Variants in RER1 observed in about 807,000 individuals in gnomAD.
The protein encoded by RER1 is retention in endoplasmic reticulum sorting receptor 1.
A neutral mutation model predicts 28.3 loss-of-function variants in RER1; 6 were observed. The observed-to-expected ratio is 0.21, with a 90% CI of 0.12 to 0.42. RER1 has a LOEUF of 0.42. Among genes scored for constraint, RER1 ranks in the 10% least tolerant of loss-of-function variants. The pLI, the probability that RER1 is intolerant of heterozygous loss-of-function variation, is 1.00. For synonymous variants in RER1, 110 were observed against 95.9 expected (o/e 1.15, Z -0.86); for missense variants, 159 against 252.9 (o/e 0.63, Z 2.52).
In RER1 at chr1:2,403,368, C is replaced by T. The variant is rs148530549; in HGVS notation, c.*244C>T. 24 of 438,682 alleles carry T rather than the reference C, an allele frequency of 5.5e-5. No individual in the cohort carries two copies. Among genetic ancestry groups the T allele is most frequent in the African/African-American group, 4.7e-4 (23 of 49,380 alleles). The allele number at this position is 438,682 out of a possible 1,614,324, so 27.2% of individuals were successfully genotyped here. On this transcript the variant is annotated 3_prime_UTR_variant, in exon 7 of 7. Coordinates refer to ENST00000605895, the MANE Select transcript of RER1 (RefSeq NM_007033.5). ...TCACGGATGGAATTCTAGTCAGCTG[C>T]AGGCGGGAAGCCAGGCGGGTGGAGC...
intron 5 of RER1, among the ~76,000 whole-genome samples, chr1:2,401,401 C>G (rs1642859537): frequency 9.5e-6 from 1 of 105,596 alleles, no homozygotes; most frequent in Admixed American, 9.8e-5. Flanking sequence ...CTCCTCCCTC[C>G]TCCTCCCTCC....
At position 2,403,483 on chromosome 1, in the gene RER1, G is replaced by T. The variant is rs897093203; in HGVS notation, c.*359G>T. The T allele has an allele frequency of 6.8e-6, 2 of 293,782 alleles. No individual in the cohort carries two copies. The highest frequency in any genetic ancestry group is 6.0e-5 in the South Asian group (2 of 33,594). 18.2% of individuals were successfully genotyped at this position (293,782 alleles called of 1,614,324 possible). A position where few individuals can be genotyped will look rare whatever the true frequency, so the allele number is the denominator to read the frequency against. On this transcript the variant is annotated 3_prime_UTR_variant, in exon 7 of 7. Coordinates refer to ENST00000605895, the MANE Select transcript of RER1 (RefSeq NM_007033.5). ...GCGAGGGAGGAACGGGCCGCTCCCC[G>T]CCAGCCGCCTTCCCCAGCAGCCGCA...
intron 3 of RER1, among the ~76,000 whole-genome samples, chr1:2,398,772 C>G (rs893566993): frequency 6.6e-6 from 1 of 152,242 alleles, no homozygotes; most frequent in African/African-American, 2.4e-5. Flanking sequence ...GAATTAGTTG[C>G]AAATAAGTGT....
chr1:2,401,408 CTCCTTCCTCCT>C (rs1557904089), intron 5 of RER1, among the ~76,000 whole-genome samples: 2 of 117,112 alleles, frequency 1.7e-5, no homozygotes, highest in East Asian at 2.5e-4. Context: ...CTCCTCCTCC[CTCCTTCCTCCT>C]TCCTCTCTCC....
rs961238581 is a variant in RER1, at chr1:2,402,016, G to A, written c.366-191G>A. Reference sequence around the variant, plus strand: ...GGAGTAAGAGAAGGATGTTTCTGTGGTTAGGGCAGTACATGTCTGTGAGCT... The same window carrying A: ...GGAGTAAGAGAAGGATGTTTCTGTGATTAGGGCAGTACATGTCTGTGAGCT... On this transcript the variant is annotated intron_variant, in intron 5 of 6. Transcript: ENST00000605895. 18 of 1,523,838 alleles carry A rather than the reference G, an allele frequency of 1.2e-5. No individual in the cohort carries two copies. In the African/African-American group the frequency reaches 2.1e-4, roughly 18 times the overall value. The allele number at this position is 1,523,838 out of a possible 1,614,324, so 94.4% of individuals were successfully genotyped here.
At chr1:2,393,504 G>A (rs1340991098) in intron 1 of RER1, among the ~76,000 whole-genome samples, 1 of 152,214 alleles carries the variant, frequency 6.6e-6, no homozygotes, top group African/African-American at 2.4e-5. Context: ...CAGCTGGTGT[G>A]AGGGCTGGCC....
Position 2,403,774 on chromosome 1 carries a change from A to C in RER1, c.*650A>C, listed in dbSNP as rs989657569. 6.6e-6 allele frequency: 1 copy of C among 152,536 alleles called. No individual in the cohort carries two copies. The highest frequency in any genetic ancestry group is 1.5e-5 in the Non-Finnish European group (1 of 68,032). 9.4% of individuals were successfully genotyped at this position (152,536 alleles called of 1,614,324 possible). A position where few individuals can be genotyped will look rare whatever the true frequency, so the allele number is the denominator to read the frequency against. ...TAATTGTTTGAGATTATTTTGACAC[A>C]TTTCTTTGATACGTAGAGTGTTTTG... On this transcript the variant is annotated 3_prime_UTR_variant, in exon 7 of 7. Transcript: ENST00000605895.
chr1:2,401,931 C>A, intron 5 of RER1: 1 of 1,323,322 alleles, frequency 7.6e-7, no homozygotes, highest in Non-Finnish European at 1.0e-6. Flanking sequence ...ATGGGGCCCC[C>A]AGCCTCAGTA....
chr1:2,404,260 C>T lies in RER1; in HGVS notation c.*1136C>T, dbSNP rs904881781. On this transcript the variant is annotated 3_prime_UTR_variant, in exon 7 of 7. Coordinates refer to ENST00000605895, the MANE Select transcript of RER1 (RefSeq NM_007033.5). ...GTACCAGTGTTTACATATCTGACAT[C>T]GAGCTCCTCTAAGAGGCCACGTTCA... is the stretch of plus-strand genomic sequence containing the variant. The T allele has an allele frequency of 2.0e-5, 3 of 152,372 alleles. No homozygotes were observed. Among genetic ancestry groups the T allele is most frequent in the South Asian group, 2.1e-4 (1 of 4,826 alleles). The allele number at this position is 152,372 out of a possible 1,614,324, so 9.4% of individuals were successfully genotyped here.
Position 2,404,162 on chromosome 1 carries a change from C to G in RER1, c.*1038C>G, listed in dbSNP as rs958964630. ...CTCTCCTCCTGGGCCCCGGGCTGCG[C>G]AGGCTCCTCACTCTGGGCGGTGTTT... On this transcript the variant is annotated 3_prime_UTR_variant, in exon 7 of 7. Transcript: ENST00000605895. 6.6e-6 allele frequency: 1 copy of G among 152,304 alleles called. No individual in the cohort carries two copies. Among genetic ancestry groups the G allele is most frequent in the African/African-American group, 2.4e-5 (1 of 41,464 alleles). The allele number at this position is 152,304 out of a possible 1,614,324, so 9.4% of individuals were successfully genotyped here.
chr1:2,401,488 AT>A (rs1218646826), intron 5 of RER1, among the ~76,000 whole-genome samples: 27 of 136,074 alleles, frequency 2.0e-4, no homozygotes, highest in Admixed American at 4.8e-4. Flanking sequence ...TCCTGGAGTC[AT>A]TTTTGAGAGG....
At chr1:2,396,238 CG>C (rs1557901484) in intron 2 of RER1, 1 of 275,110 alleles carries the variant, frequency 3.6e-6, no homozygotes, top group Admixed American at 4.6e-5. Flanking sequence ...CCACCTGCCC[CG>C]TGTCAGCTCG....
Position 2,403,562 on chromosome 1 carries a change from G to C in RER1, c.*438G>C, listed in dbSNP as rs914751992. 15 of 186,226 alleles carry C rather than the reference G, an allele frequency of 8.1e-5. No homozygotes were observed. Among genetic ancestry groups the C allele is most frequent in the Admixed American group, 6.9e-4 (12 of 17,352 alleles). 11.5% of individuals were successfully genotyped at this position (186,226 alleles called of 1,614,324 possible). ...AGGGATGATCTAGCCTGATTCCTGC[G>C]TGTCCGAAAGAACTTAACGTTTTAA... On this transcript the variant is annotated 3_prime_UTR_variant, in exon 7 of 7. Transcript: ENST00000605895.
At chr1:2,398,513 C>T (rs972606500) in intron 3 of RER1, among the ~76,000 whole-genome samples, 7 of 152,334 alleles carry the variant, frequency 4.6e-5, no homozygotes, top group African/African-American at 1.4e-4. Flanking sequence ...TTCAGCTTCC[C>T]GAGCAGCTGG....
intron 1 of RER1, among the ~76,000 whole-genome samples, chr1:2,392,841 A>G (rs1642705375): frequency 6.6e-6 from 1 of 152,178 alleles, no homozygotes; most frequent in Admixed American, 6.5e-5. Flanking sequence ...TCAGGCCCAG[A>G]GGAGCGGGGA....
At chr1:2,396,700 C>T (rs1401323818) in intron 2 of RER1, among the ~76,000 whole-genome samples, 5 of 152,278 alleles carry the variant, frequency 3.3e-5, no homozygotes, top group South Asian at 4.1e-4. Flanking sequence ...GGCCTGGGAG[C>T]GGGGCAAGGC....
chr1:2,403,409 C>T lies in RER1; in HGVS notation c.*285C>T, dbSNP rs1479185579. Reference sequence around the variant, plus strand: ...CGGGTGGAGCCCATGGGAGCAAGGGCGAGTGGCCGGTCCCCGCTGTGCCAG... The same window carrying T: ...CGGGTGGAGCCCATGGGAGCAAGGGTGAGTGGCCGGTCCCCGCTGTGCCAG... On this transcript the variant is annotated 3_prime_UTR_variant, in exon 7 of 7. Transcript: ENST00000605895. The T allele has an allele frequency of 7.9e-6, 3 of 379,798 alleles. No individual in the cohort carries two copies. The highest frequency in any genetic ancestry group is 1.5e-5 in the Non-Finnish European group (3 of 199,824). The allele number at this position is 379,798 out of a possible 1,614,324, so 23.5% of individuals were successfully genotyped here. A position where few individuals can be genotyped will look rare whatever the true frequency, so the allele number is the denominator to read the frequency against.
chr1:2,392,473 T>C (rs114891817), intron 1 of RER1, among the ~76,000 whole-genome samples: 74 of 152,350 alleles, frequency 4.9e-4, no homozygotes, highest in African/African-American at 1.8e-3. Context: ...GATCGTATTC[T>C]AAATAGGCAA....
chr1:2,402,061 G>T (rs780982999), intron 5 of RER1, 146 bp from the exon 6 acceptor site: 23 of 1,580,748 alleles, frequency 1.5e-5, no homozygotes, highest in Non-Finnish European at 2.0e-5. Flanking sequence ...GGGTCCTGCT[G>T]CTGCTGTGCC....
Sources: allele counts gnomAD v4.1 joint callset (sites outside exome capture counted in the v4.1 genomes callset), GRCh38; gene constraint gnomAD v4.1.1; transcripts MANE v1.5; gene names NCBI Gene and HGNC (gene_info 2026-07-23, HGNC 2026-07-21).